Variants in NT5C1A observed in about 807,000 individuals in gnomAD.
NT5C1A encodes the protein cytosolic 5'-nucleotidase 1A.
In NT5C1A, 18 loss-of-function variants were observed where a neutral mutation model predicts 31.0. The observed-to-expected ratio is 0.58, with a 90% CI of 0.40 to 0.86. The LOEUF (loss-of-function observed/expected upper bound fraction) is 0.86, where lower values mean the gene tolerates loss of function less well. NT5C1A is among the 40% of genes least tolerant of loss of function. The probability of loss-of-function intolerance (pLI) is 0.00; values close to 1 mark genes in which losing one functional copy is unlikely to be tolerated. For missense variants in NT5C1A, 470 were observed against 505.4 expected, an observed-to-expected ratio of 0.93 and a Z score of 0.67; for synonymous variants, 185 against 203.6, an observed-to-expected ratio of 0.91 and a Z score of 0.78.
rs1051511364 is a variant in NT5C1A, at chr1:39,664,486, T to C, written c.433+1035A>G. ...CTGTCTCTCTCTCCCCAGAGTGGAT[T>C]TCTCCTCCTCTCCTCTCCTCTCCTC... On this transcript the variant is annotated intron_variant, in intron 3 of 5. Coordinates refer to ENST00000235628, the MANE Select transcript of NT5C1A (RefSeq NM_032526.3). Among the ~76,000 whole-genome samples, 11 of 1,492 alleles carry C rather than the reference T, an allele frequency of 7.4e-3. 1 individual carries two copies. Among genetic ancestry groups the C allele is most frequent in the Admixed American group, 0.013 (2 of 150 alleles). 1.0% of individuals were successfully genotyped at this position (1,492 alleles called of 152,430 possible). A position where few individuals can be genotyped will look rare whatever the true frequency, so the allele number is the denominator to read the frequency against.
chr1:39,671,142 G>A (rs991447789), intron 1 of NT5C1A, among the ~76,000 whole-genome samples: 3 of 152,184 alleles, frequency 2.0e-5, no homozygotes, highest in Admixed American at 6.5e-5. Context: ...CTGAGATCTG[G>A]GAAGTTGGAG....
In NT5C1A at chr1:39,656,141, G is replaced by T. The variant is rs977537188; in HGVS notation, c.*2980C>A. On this transcript the variant is annotated 3_prime_UTR_variant, in exon 6 of 6. Transcript: ENST00000235628. ...GGGATTTTGCTGGCAGGCATCTCCT[G>T]GAACCAGTGTTCTGCAGGGCTTGTT... Among the ~76,000 whole-genome samples, 2 of 152,270 alleles carry T rather than the reference G, an allele frequency of 1.3e-5. No individual in the cohort carries two copies. The highest frequency in any genetic ancestry group is 2.4e-5 in the African/African-American group (1 of 41,558).
At chr1:39,663,039 A>C (rs958697414) in intron 4 of NT5C1A, among the ~76,000 whole-genome samples, 3 of 152,210 alleles carry the variant, frequency 2.0e-5, no homozygotes, top group Non-Finnish European at 4.4e-5. Context: ...TGGGCTGTAG[A>C]GAGGGTTTCC....
At position 39,666,133 on chromosome 1, in the gene NT5C1A, A is replaced by T; in HGVS notation, c.239T>A (p.Val80Glu). The T allele has an allele frequency of 6.2e-7, 1 of 1,613,652 alleles. No individual in the cohort carries two copies. Among genetic ancestry groups the T allele is most frequent in the Non-Finnish European group, 8.5e-7 (1 of 1,179,986 alleles). The change falls in exon 2 of 6, where the codon GTG becomes GAG. Residue 80 changes from valine to glutamate, a missense_variant. By Grantham distance (121) the Val-to-Glu change is moderately radical. Coordinates refer to ENST00000235628, the MANE Select transcript of NT5C1A (RefSeq NM_032526.3). ...IYTEQGVEEY[V>E]RYQLEHENEP... Reference sequence around the variant, plus strand: ...GTTCTCATGTTCCAGCTGGTAGCGCACGTACTCCTCCACGCCCTGCTCCGT... The same window carrying T: ...GTTCTCATGTTCCAGCTGGTAGCGCTCGTACTCCTCCACGCCCTGCTCCGT...
chr1:39,661,592 A>G (rs1414862698), intron 4 of NT5C1A, among the ~76,000 whole-genome samples: 1 of 152,212 alleles, frequency 6.6e-6, no homozygotes, highest in African/African-American at 2.4e-5. Context: ...ACCAGGGTGA[A>G]GGAAATTTCA....
intron 1 of NT5C1A, among the ~76,000 whole-genome samples, chr1:39,669,621 TGA>T (rs1344241948): frequency 6.6e-6 from 1 of 152,072 alleles, no homozygotes; most frequent in Admixed American, 6.6e-5. Flanking sequence ...CAGAGAACCA[TGA>T]GAGTCAGGGG....
rs1486099900 is a variant in NT5C1A at position 39,656,033 on chromosome 1, G to A, written c.*3088C>T. Among the ~76,000 whole-genome samples the A allele has an allele frequency of 2.0e-5, 3 of 152,108 alleles. No homozygotes were observed. The highest frequency in any genetic ancestry group is 4.2e-4 in the South Asian group (2 of 4,810). On this transcript the variant is annotated 3_prime_UTR_variant, in exon 6 of 6. Coordinates refer to ENST00000235628, the MANE Select transcript of NT5C1A (RefSeq NM_032526.3). ...ATTGGGCTCTCAGATAGGAGAGGGG[G>A]ATGTTTTGCAACTGGCTGAGCAGTC...
At chr1:39,663,210 A>C in intron 4 of NT5C1A, 102 bp downstream of exon 4, 1 of 1,362,944 alleles carries the variant, frequency 7.3e-7, no homozygotes, top group Non-Finnish European at 1.0e-6. Context: ...TCTAGTTACC[A>C]TGGCAACTCC....
chr1:39,664,516 T>TCCTC (rs1570459745), intron 3 of NT5C1A, among the ~76,000 whole-genome samples: 5 of 7,478 alleles, frequency 6.7e-4, no homozygotes, highest in East Asian at 3.6e-3. Context: ...CTCCTCTCCT[T>TCCTC]TCCATCTCAC....
At chr1:39,664,490 C>CCTCTCCTCCTCTCCTCTCCT (rs1553485417) in intron 3 of NT5C1A, among the ~76,000 whole-genome samples, 5 of 2,894 alleles carry the variant, frequency 1.7e-3, no homozygotes, top group Admixed American at 4.4e-3. Flanking sequence ...GTGGATTTCT[C>CCTCTCCTCCTCTCCTCTCCT]CTCCTCTCCT....
In NT5C1A at chr1:39,657,593, C is replaced by T. The variant is rs1646470426; in HGVS notation, c.*1528G>A. The stretch of plus-strand genomic sequence containing the variant: ...ACCAGCCATTGGTGCTTCCACCCTC[C>T]CTCTGGAGAGAGCCAGGGATGCTCA... On this transcript the variant is annotated 3_prime_UTR_variant, in exon 6 of 6. Transcript: ENST00000235628. Among the ~76,000 whole-genome samples the T allele has an allele frequency of 1.3e-5, 2 of 152,264 alleles. No homozygotes were observed.
chr1:39,662,668 G>C (rs1208469530), intron 4 of NT5C1A, among the ~76,000 whole-genome samples: 1 of 152,220 alleles, frequency 6.6e-6, no homozygotes, highest in Non-Finnish European at 1.5e-5. Context: ...AACCCTCTCA[G>C]GTACCTGGCC....
rs1646469144 is a variant in NT5C1A, at chr1:39,657,334, GCA to G, written c.*1785_*1786del. Among the ~76,000 whole-genome samples the G allele has an allele frequency of 6.6e-6, 1 of 152,168 alleles. No individual in the cohort carries two copies. Among genetic ancestry groups the G allele is most frequent in the Non-Finnish European group, 1.5e-5 (1 of 68,028 alleles). On this transcript the variant is annotated 3_prime_UTR_variant, in exon 6 of 6. Coordinates refer to ENST00000235628, the MANE Select transcript of NT5C1A (RefSeq NM_032526.3). The stretch of plus-strand genomic sequence containing the variant: ...TGCATCTCTTACCCTGCCCCACACT[GCA>G]CAGAACCTGTGCCCTTTCAGACCCT...
chr1:39,667,748 T>A (rs1399376103), intron 1 of NT5C1A, among the ~76,000 whole-genome samples: 1 of 152,202 alleles, frequency 6.6e-6, no homozygotes, highest in Non-Finnish European at 1.5e-5. Context: ...GCCAATGCCA[T>A]CTTTTAAAAG....
Position 39,661,341 on chromosome 1 carries a change from G to C in NT5C1A, c.557-78C>G, listed in dbSNP as rs562402514. 7.3e-6 allele frequency: 5 copies of C among 688,790 alleles called. No homozygotes were observed. The East Asian group carries it at 1.3e-4, about 18-fold the overall frequency. 42.7% of individuals were successfully genotyped at this position (688,790 alleles called of 1,614,324 possible). ...GAGTGGGCTATCTTAGGCTATCCTT[G>C]CCCCACCTGCCTCATACAGGACTCA... is the stretch of plus-strand genomic sequence containing the variant. On this transcript the variant is annotated intron_variant, in intron 4 of 5. Transcript: ENST00000235628.
chr1:39,664,490 C>CCTCCCCTCCCCTCCTCTCCTCTCCT (rs1646509611), intron 3 of NT5C1A, among the ~76,000 whole-genome samples: 2 of 2,900 alleles, frequency 6.9e-4, no homozygotes, highest in Admixed American at 4.4e-3. Context: ...GTGGATTTCT[C>CCTCCCCTCCCCTCCTCTCCTCTCCT]CTCCTCTCCT....
rs552829271 is a variant in NT5C1A, at chr1:39,651,786, T to G, written c.*7335A>C. On this transcript the variant is annotated 3_prime_UTR_variant, in exon 6 of 6. Transcript: ENST00000235628. ...GGCTCACGCCTGTAATCCCAGCACTTTGGGAGGCAGAGGCTGGTGGATCAC... is the reference window on the plus strand; with the variant it reads ...GGCTCACGCCTGTAATCCCAGCACTGTGGGAGGCAGAGGCTGGTGGATCAC... Among the ~76,000 whole-genome samples the G allele has an allele frequency of 9.2e-5, 14 of 152,012 alleles. No individual in the cohort carries two copies. Among genetic ancestry groups the G allele is most frequent in the Middle Eastern group, 3.4e-3 (1 of 294 alleles).
intron 3 of NT5C1A, among the ~76,000 whole-genome samples, chr1:39,665,109 T>G (rs1646514387): frequency 6.6e-6 from 1 of 152,206 alleles, no homozygotes; most frequent in South Asian, 2.1e-4. Flanking sequence ...CAGCTGCACC[T>G]GATTCTCCCA....
In NT5C1A at chr1:39,656,841, G is replaced by A. The variant is rs1301591015; in HGVS notation, c.*2280C>T. Among the ~76,000 whole-genome samples the A allele has an allele frequency of 6.6e-6, 1 of 152,258 alleles. No homozygotes were observed. Among genetic ancestry groups the A allele is most frequent in the Non-Finnish European group, 1.5e-5 (1 of 68,048 alleles). ...GGGGGTGATTCTGACCCCTGGGAGT[G>A]AGAAGGAGAGGGCCTTTCTGCAGTT... On this transcript the variant is annotated 3_prime_UTR_variant, in exon 6 of 6. Transcript: ENST00000235628.
Sources: allele counts gnomAD v4.1 joint callset (sites outside exome capture counted in the v4.1 genomes callset), GRCh38; gene constraint gnomAD v4.1.1; transcripts MANE v1.5; gene names NCBI Gene and HGNC (gene_info 2026-07-23, HGNC 2026-07-21).